Variants in NTN1 observed in about 807,000 individuals in gnomAD.
NTN1 encodes the protein netrin-1.
Under a neutral mutation model 54.2 loss-of-function variants are expected in NTN1, and 11 were observed. The observed-to-expected ratio is 0.20, with a 90% CI of 0.13 to 0.34. The LOEUF (loss-of-function observed/expected upper bound fraction) is 0.34, where lower values mean the gene tolerates loss of function less well. Among genes scored for constraint, NTN1 ranks in the 10% least tolerant of loss-of-function variants. NTN1 has a pLI of 1.00. For missense variants in NTN1, 740 were observed against 893.1 expected (o/e 0.83, Z 2.18); for synonymous variants, 371 against 382.0 (o/e 0.97, Z 0.33).
At chr17:9,072,704 T>C (rs1178317481) in intron 2 of NTN1, among the ~76,000 whole-genome samples, 1 of 152,058 alleles carries the variant, frequency 6.6e-6, no homozygotes, top group Non-Finnish European at 1.5e-5. Context: ...GAGGAGAAGA[T>C]AGGCTAAAGA....
intron 2 of NTN1, among the ~76,000 whole-genome samples, chr17:9,056,385 G>C (rs1452168393): frequency 2.0e-5 from 3 of 152,186 alleles, no homozygotes; most frequent in African/African-American, 7.2e-5. Flanking sequence ...GGTTTTGATG[G>C]GGAGCCGCCA....
chr17:9,072,251 T>C (rs1268486333), intron 2 of NTN1, among the ~76,000 whole-genome samples: 2 of 145,478 alleles, frequency 1.4e-5, no homozygotes, highest in African/African-American at 5.5e-5. Flanking sequence ...ATTTGCTGTT[T>C]TTTTTTTTTT....
intron 3 of NTN1, among the ~76,000 whole-genome samples, chr17:9,179,532 C>T (rs890392187): frequency 2.0e-5 from 3 of 152,240 alleles, no homozygotes; most frequent in Non-Finnish European, 4.4e-5. Context: ...AAGCCTTCCT[C>T]CTGGGCTTCC....
At chr17:9,155,890 T>C (rs1227726544) in intron 2 of NTN1, among the ~76,000 whole-genome samples, 4 of 152,218 alleles carry the variant, frequency 2.6e-5, no homozygotes, top group Non-Finnish European at 4.4e-5. Flanking sequence ...TCCCCAGTCA[T>C]GATAACCAAA....
chr17:9,039,400 A>T (rs2091914161), intron 2 of NTN1, among the ~76,000 whole-genome samples: 1 of 152,236 alleles, frequency 6.6e-6, no homozygotes, highest in African/African-American at 2.4e-5. Flanking sequence ...AAATGTACCC[A>T]ATAGGGCTTT....
chr17:9,210,444 C>CCACACA lies in NTN1; in HGVS notation c.1412-10706_1412-10701dup, dbSNP rs71135952. Among the ~76,000 whole-genome samples, 8 of 100,974 alleles carry CCACACA rather than the reference C, an allele frequency of 7.9e-5. No homozygotes were observed. The East Asian group carries it at 8.5e-4, about 11-fold the overall frequency. 66.2% of individuals were successfully genotyped at this position (100,974 alleles called of 152,430 possible). A position where few individuals can be genotyped will look rare whatever the true frequency, so the allele number is the denominator to read the frequency against. ...TGCACACACACACACACCCCCACAC[C>CCACACA]CACACACACACACACACACACACTC... On this transcript the variant is annotated intron_variant, in intron 5 of 6. Transcript: ENST00000173229.
At chr17:9,058,433 G>A (rs761926376) in intron 2 of NTN1, among the ~76,000 whole-genome samples, 7 of 152,090 alleles carry the variant, frequency 4.6e-5, no homozygotes. Flanking sequence ...CCTATTGAAT[G>A]CCGTGTAGGG....
chr17:9,005,049 GCT>G, the NTN1 span, among the ~76,000 whole-genome samples: 53 of 152,052 alleles, frequency 3.5e-4, no homozygotes, highest in African/African-American at 1.3e-3. Flanking sequence ...AAGTAAGGGG[GCT>G]CTCAGTAGAA....
In NTN1 at chr17:9,227,333, A is replaced by AT. The variant is rs533151910; in HGVS notation, c.1486+6092dup. Among the ~76,000 whole-genome samples the AT allele has an allele frequency of 3.7e-4, 56 of 150,938 alleles. No individual in the cohort carries two copies. In the South Asian group the frequency reaches 8.7e-3, roughly 23 times the overall value. On this transcript the variant is annotated intron_variant, in intron 6 of 6. Transcript: ENST00000173229. ...AACACACCACACACATCAAACACAG[A>AT]TACACAGACTATCAGTCACACTCAC...
chr17:9,095,445 T>C (rs2092128203), intron 2 of NTN1, among the ~76,000 whole-genome samples: 1 of 152,236 alleles, frequency 6.6e-6, no homozygotes, highest in Admixed American at 6.5e-5. Context: ...TGATCTGATG[T>C]AAGGTAAAGA....
chr17:9,202,520 C>T (rs1446088096), intron 5 of NTN1, among the ~76,000 whole-genome samples: 4 of 152,318 alleles, frequency 2.6e-5, no homozygotes, highest in Non-Finnish European at 4.4e-5. Context: ...TACCTTTATT[C>T]TCCATGTGAG....
chr17:9,210,465 C>A (rs1233444782), intron 5 of NTN1, among the ~76,000 whole-genome samples: 1 of 136,146 alleles, frequency 7.3e-6, no homozygotes, highest in African/African-American at 2.8e-5. Context: ...CACACACACA[C>A]ACTCTTCTGC....
chr17:9,203,079 G>A (rs928809119), intron 5 of NTN1, among the ~76,000 whole-genome samples: 16 of 152,090 alleles, frequency 1.1e-4, no homozygotes, highest in African/African-American at 3.6e-4. Context: ...TGGCCACCAA[G>A]CCTGGCTAAT....
intron 2 of NTN1, among the ~76,000 whole-genome samples, chr17:9,024,440 T>A (rs1319292956): frequency 6.6e-6 from 1 of 152,254 alleles, no homozygotes; most frequent in Non-Finnish European, 1.5e-5. Context: ...GCATCCTTTA[T>A]GAACGTACAG....
chr17:9,067,750 C>A (rs750751904), intron 2 of NTN1, among the ~76,000 whole-genome samples: 3 of 152,150 alleles, frequency 2.0e-5, no homozygotes, highest in Non-Finnish European at 4.4e-5. Flanking sequence ...GTTAGTTCTT[C>A]CAGGCATCTC....
intron 5 of NTN1, among the ~76,000 whole-genome samples, chr17:9,204,290 T>C (rs72811992): frequency 6.9e-4 from 99 of 143,430 alleles, no homozygotes; most frequent in South Asian, 9.3e-4. Context: ...CTCTATCTCT[T>C]TCTCTCTCTC....
chr17:9,221,147 T>TCAC lies in NTN1; in HGVS notation c.1412-20_1412-19insACC. The stretch of plus-strand genomic sequence containing the variant: ...CAGCCTAATTAGTTTTTGTCTGTGC[T>TCAC]CCCCCCCCACCCCCCTGCAGACTGC... On this transcript the variant is annotated intron_variant, in intron 5 of 6. Transcript: ENST00000173229. The surrounding 1 kb of genome is among the most constrained non-coding windows in gnomAD (Gnocchi z 4.5). 3.1e-6 allele frequency: 4 copies of TCAC among 1,303,814 alleles called. No individual in the cohort carries two copies. The highest frequency in any genetic ancestry group is 2.1e-5 in the Admixed American group (1 of 47,744). The allele number at this position is 1,303,814 out of a possible 1,614,324, so 80.8% of individuals were successfully genotyped here. A position where few individuals can be genotyped will look rare whatever the true frequency, so the allele number is the denominator to read the frequency against.
At chr17:9,186,685 A>G (rs1443490999) in intron 5 of NTN1, among the ~76,000 whole-genome samples, 1 of 151,758 alleles carries the variant, frequency 6.6e-6, no homozygotes, top group East Asian at 1.9e-4. Flanking sequence ...GAAGCTCCAC[A>G]CTCAGGTGCT....
chr17:9,156,238 G>GT (rs11327966), intron 2 of NTN1, among the ~76,000 whole-genome samples: 17,213 of 141,726 alleles, frequency 0.12, 1,067 homozygotes, highest in Non-Finnish European at 0.16. Context: ...GCGTGAGTTG[G>GT]TTTTTTTTTT....
Sources: allele counts gnomAD v4.1 joint callset (sites outside exome capture counted in the v4.1 genomes callset), GRCh38; gene constraint gnomAD v4.1.1; non-coding constraint Gnocchi (gnomAD v3.1); transcripts MANE v1.5; gene names NCBI Gene and HGNC (gene_info 2026-07-23, HGNC 2026-07-21).